The following PDE4D variants were observed in gnomAD, a reference collection of about 807,000 sequenced individuals.
The protein encoded by PDE4D is 3',5'-cyclic-AMP phosphodiesterase 4D.
Under a neutral mutation model 87.4 loss-of-function variants are expected in PDE4D, and 24 were observed. The ratio of observed to expected loss-of-function variants is 0.27; its 90% CI spans 0.20 to 0.39. PDE4D has a LOEUF of 0.39. PDE4D is among the 10% of genes least tolerant of loss of function. The probability of loss-of-function intolerance (pLI) is 1.00; values close to 1 mark genes in which losing one functional copy is unlikely to be tolerated. For missense variants in PDE4D, 714 were observed against 1,041.0 expected, an observed-to-expected ratio of 0.69 and a Z score of 4.32; for synonymous variants, 384 against 383.2, an observed-to-expected ratio of 1.00 and a Z score of -0.02.
intron 2 of PDE4D, among the ~76,000 whole-genome samples, chr5:60,105,205 C>T (rs1339020457): frequency 6.6e-6 from 1 of 152,028 alleles, no homozygotes; most frequent in African/African-American, 2.4e-5. Flanking sequence ...TTGAGAACTA[C>T]GTGAAGAATG....
intron 1 of PDE4D, among the ~76,000 whole-genome samples, chr5:60,226,756 T>G (rs572175376): frequency 4.2e-4 from 64 of 152,026 alleles, no homozygotes; most frequent in South Asian, 1.2e-3. Context: ...CCCAAACTCT[T>G]TGTCATCAAT....
intron 1 of PDE4D, among the ~76,000 whole-genome samples, chr5:59,627,859 T>G (rs902001672): frequency 6.6e-6 from 1 of 152,024 alleles, no homozygotes; most frequent in Non-Finnish European, 1.5e-5. Flanking sequence ...CTTTCCAGGG[T>G]TGAGGGAAGA....
At chr5:59,439,424 C>T (rs1020362158) in intron 1 of PDE4D, among the ~76,000 whole-genome samples, 1 of 151,456 alleles carries the variant, frequency 6.6e-6, no homozygotes, top group Admixed American at 6.6e-5. Flanking sequence ...GGTCACAATG[C>T]TGCGCTGCCA....
At chr5:59,573,613 T>C (rs1341823416) in intron 1 of PDE4D, among the ~76,000 whole-genome samples, 3 of 152,148 alleles carry the variant, frequency 2.0e-5, no homozygotes, top group African/African-American at 7.2e-5. Context: ...TCTTCTGTTA[T>C]GCAGAGAAGT....
At chr5:59,935,100 T>C (rs1031476802) in intron 3 of PDE4D, among the ~76,000 whole-genome samples, 3 of 152,144 alleles carry the variant, frequency 2.0e-5, no homozygotes, top group African/African-American at 7.2e-5. Context: ...TTTAAAGGGC[T>C]GTGAGGTCAT....
chr5:59,024,871 G>T (rs1755913255), intron 6 of PDE4D, among the ~76,000 whole-genome samples: 1 of 152,030 alleles, frequency 6.6e-6, no homozygotes, highest in African/African-American at 2.4e-5. Context: ...AATGTTAATA[G>T]GTTTCATCCT....
intron 2 of PDE4D, among the ~76,000 whole-genome samples, chr5:60,021,529 T>G (rs930608392): frequency 6.6e-6 from 1 of 152,222 alleles, no homozygotes; most frequent in South Asian, 2.1e-4. Context: ...TAAGAATTTG[T>G]GGTAATTTTA....
At chr5:60,060,889 T>A (rs1475425790) in intron 2 of PDE4D, among the ~76,000 whole-genome samples, 1 of 151,994 alleles carries the variant, frequency 6.6e-6, no homozygotes, top group East Asian at 1.9e-4. Context: ...CATCCTTTCA[T>A]GATAAAACTC....
chr5:59,624,551 C>T (rs374105295), intron 1 of PDE4D, among the ~76,000 whole-genome samples: 17 of 152,284 alleles, frequency 1.1e-4, no homozygotes, highest in African/African-American at 3.9e-4. Context: ...TGGTAGTACT[C>T]GGCTTTAATC....
intron 1 of PDE4D, among the ~76,000 whole-genome samples, chr5:59,424,366 CAA>C (rs1430573234): frequency 3.9e-5 from 6 of 152,110 alleles, no homozygotes; most frequent in Admixed American, 6.6e-5. Flanking sequence ...CCTTTGTTTT[CAA>C]AGTTTTTCCT....
At chr5:60,043,319 G>A (rs1202512459) in intron 2 of PDE4D, among the ~76,000 whole-genome samples, 2 of 152,174 alleles carry the variant, frequency 1.3e-5, no homozygotes, top group African/African-American at 2.4e-5. Context: ...ACTTACGTTT[G>A]ATTGGTGTAC....
chr5:60,156,867 T>C (rs1407081091), intron 2 of PDE4D, among the ~76,000 whole-genome samples: 1 of 152,166 alleles, frequency 6.6e-6, no homozygotes, highest in African/African-American at 2.4e-5. Flanking sequence ...TTATATAATA[T>C]ACCATGAAAG....
chr5:60,355,032 G>A (rs1255797208), intron 1 of PDE4D, among the ~76,000 whole-genome samples: 3 of 152,284 alleles, frequency 2.0e-5, no homozygotes, highest in Non-Finnish European at 2.9e-5. Context: ...GAAATGCCAT[G>A]TAACATAGGA....
At chr5:60,342,181 C>T (rs1489400072) in intron 1 of PDE4D, among the ~76,000 whole-genome samples, 1 of 152,134 alleles carries the variant, frequency 6.6e-6, no homozygotes, top group African/African-American at 2.4e-5. Flanking sequence ...TCAAAAGGCT[C>T]ATTTCTTTTT....
At chr5:59,145,709 C>T (rs1185044314) in intron 5 of PDE4D, among the ~76,000 whole-genome samples, 3 of 152,122 alleles carry the variant, frequency 2.0e-5, no homozygotes, top group African/African-American at 7.2e-5. Context: ...AATTGAAAGC[C>T]GCTGATTTCA....
chr5:59,772,066 T>C (rs899681768), intron 1 of PDE4D, among the ~76,000 whole-genome samples: 1 of 152,246 alleles, frequency 6.6e-6, no homozygotes, highest in Admixed American at 6.5e-5. Context: ...GTTTTGAGAA[T>C]TCTTGGCCAG....
Position 59,127,868 on chromosome 5 carries a change from G to C in PDE4D, c.808+52727C>G, listed in dbSNP as rs569100345. ...AAAGGACTCCCCGTTCCTAATCAGC[G>C]CTGCAATCCACCAGACAGTCTCCTT... is the stretch of plus-strand genomic sequence containing the variant. On this transcript the variant is annotated intron_variant, in intron 5 of 14. Transcript: ENST00000340635. Among the ~76,000 whole-genome samples the C allele has an allele frequency of 2.0e-5, 3 of 152,022 alleles. No homozygotes were observed. The South Asian group carries it at 6.2e-4, about 32-fold the overall frequency.
chr5:59,552,151 G>A (rs1046152068), intron 1 of PDE4D, among the ~76,000 whole-genome samples: 6 of 152,180 alleles, frequency 3.9e-5, no homozygotes, highest in South Asian at 2.1e-4. Flanking sequence ...CCTAGGAGGT[G>A]AAGGTTGCAG....
intron 2 of PDE4D, among the ~76,000 whole-genome samples, chr5:60,072,154 C>G (rs541404915): frequency 2.0e-5 from 3 of 152,182 alleles, no homozygotes; most frequent in African/African-American, 7.2e-5. Context: ...ATAAATATTT[C>G]CTTTTCTCCA....
Sources: gnomAD v4.1 joint callset for allele counts (sites outside exome capture counted in the v4.1 genomes callset) on GRCh38, gnomAD v4.1.1 for gene constraint, MANE v1.5 for transcripts, NCBI Gene and HGNC (gene_info 2026-07-23, HGNC 2026-07-21) for gene names.